ATRX: variants seen among roughly 807,000 people sequenced by gnomAD.
The protein encoded by ATRX is chromatin remodeler ATRX.
Under a neutral mutation model 172.6 loss-of-function variants are expected in ATRX, and 12 were observed. The observed-to-expected ratio is 0.07, with a 90% CI of 0.04 to 0.11. The LOEUF (loss-of-function observed/expected upper bound fraction) is 0.11, where lower values mean the gene tolerates loss of function less well. Ranked by LOEUF, ATRX falls within the 10% of genes least tolerant of loss-of-function variation. The probability of loss-of-function intolerance (pLI) is 1.00; values close to 1 mark genes in which losing one functional copy is unlikely to be tolerated. For synonymous variants in ATRX, 674 were observed against 594.7 expected, an observed-to-expected ratio of 1.13 and a Z score of -1.94; for missense variants, 1,368 against 1,767.4, an observed-to-expected ratio of 0.77 and a Z score of 4.05.
chrX:77,637,404 G>A (rs181984481), intron 15 of ATRX, among the ~76,000 whole-genome samples: 1 of 110,559 alleles, frequency 9.0e-6, no homozygotes, highest in East Asian at 2.9e-4. Context: ...CAGTAACTAC[G>A]CAAGATAGGT....
chrX:77,663,027 A>G (rs1038585997), intron 12 of ATRX, among the ~76,000 whole-genome samples: 1 of 111,597 alleles, frequency 9.0e-6, no homozygotes, highest in Non-Finnish European at 1.9e-5. Context: ...TAATTAGTTT[A>G]CAAAACCAGT....
chrX:77,548,987 T>C (rs2064352512), intron 30 of ATRX, among the ~76,000 whole-genome samples: 1 of 112,276 alleles, frequency 8.9e-6, no homozygotes, highest in Non-Finnish European at 1.9e-5. Context: ...ATAAAAACAT[T>C]TCTATGCCAG....
At chrX:77,673,971 T>G (rs1603193775) in intron 10 of ATRX, 1 of 111,137 alleles carries the variant, frequency 9.0e-6, no homozygotes, top group East Asian at 2.8e-4. Context: ...TTACAAAAAT[T>G]TATTGCATCC....
At chrX:77,646,822 C>T (rs782782458) in intron 15 of ATRX, among the ~76,000 whole-genome samples, 2 of 108,711 alleles carry the variant, frequency 1.8e-5, no homozygotes, top group Non-Finnish European at 3.8e-5. Context: ...ACTCAAGGGG[C>T]GGAGGCAGGA....
intron 1 of ATRX, among the ~76,000 whole-genome samples, chrX:77,781,225 G>A (rs1557205428): frequency 1.8e-5 from 2 of 110,295 alleles, no homozygotes; most frequent in South Asian, 3.8e-4. Flanking sequence ...TGGAAATCAC[G>A]AGGTCAGGAG....
intron 1 of ATRX, among the ~76,000 whole-genome samples, chrX:77,766,625 C>T (rs1303608072): frequency 4.7e-5 from 5 of 105,467 alleles, no homozygotes; most frequent in African/African-American, 1.7e-4. Flanking sequence ...AGACGATGAG[C>T]GGCCGGGCAG....
chrX:77,597,241 C>T (rs2066497774), intron 25 of ATRX, among the ~76,000 whole-genome samples: 1 of 109,970 alleles, frequency 9.1e-6, no homozygotes, highest in Non-Finnish European at 1.9e-5. Context: ...TTACTATTCC[C>T]CTGATTTCTT....
intron 15 of ATRX, among the ~76,000 whole-genome samples, chrX:77,649,540 AT>A (rs1193563919): frequency 8.9e-6 from 1 of 111,981 alleles, no homozygotes; most frequent in Non-Finnish European, 1.9e-5. Flanking sequence ...GTGAAACTAC[AT>A]TTACTATATG....
chrX:77,597,456 CAAACAAAA>C (rs1333799693), intron 25 of ATRX, among the ~76,000 whole-genome samples: 1 of 108,418 alleles, frequency 9.2e-6, no homozygotes, highest in Non-Finnish European at 1.9e-5. Context: ...AACAAACAAA[CAAACAAAA>C]AAACAAAAAC....
chrX:77,633,042 A>T (rs984698821), intron 19 of ATRX, among the ~76,000 whole-genome samples, 165 bp downstream of exon 19: 1 of 112,342 alleles, frequency 8.9e-6, no homozygotes. Context: ...ATTAAGGGTG[A>T]TTTTATTCTA....
chrX:77,646,575 G>A (rs781842235), intron 15 of ATRX, among the ~76,000 whole-genome samples: 6 of 111,543 alleles, frequency 5.4e-5, no homozygotes, highest in South Asian at 7.5e-4. Flanking sequence ...CAATAAAAGC[G>A]TAAAACAAGT....
chrX:77,555,636 A>C (rs901708225), intron 30 of ATRX, among the ~76,000 whole-genome samples: 3 of 110,717 alleles, frequency 2.7e-5, no homozygotes, highest in Admixed American at 9.6e-5. Flanking sequence ...GTTCTCACTC[A>C]TAAGTGGCAG....
chrX:77,724,365 C>G, intron 1 of ATRX, among the ~76,000 whole-genome samples: 1 of 109,403 alleles, frequency 9.1e-6, no homozygotes, highest in Non-Finnish European at 1.9e-5. Flanking sequence ...ACAATGCTGC[C>G]TACTCATTTG....
At chrX:77,763,686 G>C (rs1283854194) in intron 1 of ATRX, among the ~76,000 whole-genome samples, 1 of 107,298 alleles carries the variant, frequency 9.3e-6, no homozygotes, top group African/African-American at 3.4e-5. Flanking sequence ...GGCCAGGCTG[G>C]TCTCGAACTC....
chrX:77,737,628 AGGATACATGCTTGAG>A (rs2074662017), intron 1 of ATRX, among the ~76,000 whole-genome samples: 1 of 111,083 alleles, frequency 9.0e-6, no homozygotes, highest in Non-Finnish European at 1.9e-5. Context: ...TTCAACTCAA[AGGATACATGCTTGAG>A]GGGATGGACA....
At chrX:77,768,733 A>G (rs1229034037) in intron 1 of ATRX, among the ~76,000 whole-genome samples, 1 of 111,827 alleles carries the variant, frequency 8.9e-6, no homozygotes, top group Non-Finnish European at 1.9e-5. Flanking sequence ...TACTTCTTAG[A>G]GGGCAAAACA....
intron 28 of ATRX, among the ~76,000 whole-genome samples, chrX:77,570,936 T>C (rs1216758771): frequency 1.8e-5 from 2 of 112,240 alleles, no homozygotes; most frequent in Non-Finnish European, 3.8e-5. Context: ...TATACAATAT[T>C]TGATGGCAAA....
At chrX:77,624,333 C>A (rs2067727566) in intron 19 of ATRX, among the ~76,000 whole-genome samples, 1 of 110,757 alleles carries the variant, frequency 9.0e-6, no homozygotes, top group Admixed American at 9.6e-5. Flanking sequence ...CACCACTGCA[C>A]TCCAGCCTGG....
chrX:77,548,829 A>C (rs1386986707), intron 30 of ATRX, among the ~76,000 whole-genome samples: 2 of 112,165 alleles, frequency 1.8e-5, no homozygotes, highest in Non-Finnish European at 3.8e-5. Context: ...AAAGGGGAGA[A>C]CACTGCACAC....
Sources: allele counts gnomAD v4.1 joint callset (sites outside exome capture counted in the v4.1 genomes callset), GRCh38; gene constraint gnomAD v4.1.1; transcripts MANE v1.5; gene names NCBI Gene and HGNC (gene_info 2026-07-23, HGNC 2026-07-21).